Variants in RBPMS observed in about 807,000 individuals in gnomAD.
RBPMS encodes the protein RNA-binding protein with multiple splicing.
RBPMS carries 7 observed loss-of-function variants against 26.8 expected under a neutral mutation model. That is an observed-to-expected ratio of 0.26 (90% CI 0.15 to 0.49). RBPMS has a LOEUF of 0.49. Among genes scored for constraint, RBPMS ranks in the 20% least tolerant of loss-of-function variants. The pLI is 0.98. For missense variants in RBPMS, 186 were observed against 250.0 expected (o/e 0.74, Z 1.73); for synonymous variants, 96 against 93.3 (o/e 1.03, Z -0.17).
At chr8:30,480,774 G>A (rs1482229649) in intron 4 of RBPMS, among the ~76,000 whole-genome samples, 1 of 152,224 alleles carries the variant, frequency 6.6e-6, no homozygotes, top group African/African-American at 2.4e-5. Context: ...AATTTTCTCA[G>A]TATAATGACA....
intron 5 of RBPMS, among the ~76,000 whole-genome samples, chr8:30,508,283 GAAAT>G (rs1219924515): frequency 6.6e-6 from 1 of 152,272 alleles, no homozygotes; most frequent in East Asian, 1.9e-4. Context: ...GAACTGTGAG[GAAAT>G]AAATTATTTG....
At chr8:30,556,051 C>T in intron 6 of RBPMS, 2 of 985,434 alleles carry the variant, frequency 2.0e-6, no homozygotes, top group South Asian at 4.7e-5. Flanking sequence ...GCAGCGGAGC[C>T]TCTCAGGCTG....
chr8:30,519,553 G>A (rs1224582144), intron 5 of RBPMS, among the ~76,000 whole-genome samples: 3 of 135,812 alleles, frequency 2.2e-5, no homozygotes, highest in South Asian at 2.3e-4. Context: ...GTGCGATCTC[G>A]GCTCACTGCA....
rs1206877825 is a variant in RBPMS at position 30,504,365 on chromosome 8, A to G, written c.326A>G (p.Lys109Arg). The G allele has an allele frequency of 6.2e-7, 1 of 1,614,202 alleles. No individual in the cohort carries two copies. Among genetic ancestry groups the G allele is most frequent in the Non-Finnish European group, 8.5e-7 (1 of 1,179,986 alleles). ...AKANTKMAKN[K>R]LVGTPNPSTP... ...GCAAACACGAAGATGGCCAAGAACAAACTCGTAGGGACTCCAAACCCCAGT... is the reference window on the plus strand; with the variant it reads ...GCAAACACGAAGATGGCCAAGAACAGACTCGTAGGGACTCCAAACCCCAGT... Residue 109 changes from lysine to arginine, a missense_variant, in exon 5 of 9, where the codon AAA becomes AGA. Lys to Arg is a conservative substitution (Grantham distance 26). Around this residue, in one of 3 missense-constraint regions of RBPMS, gnomAD observed 98 missense variants for 113.6 expected, o/e 0.86. Coordinates refer to ENST00000397323, the MANE Select transcript of RBPMS (RefSeq NM_001008710.3).
At chr8:30,529,513 AAAGAC>A (rs1488595259) in intron 5 of RBPMS, among the ~76,000 whole-genome samples, 3 of 151,512 alleles carry the variant, frequency 2.0e-5, no homozygotes, top group Non-Finnish European at 2.9e-5. Flanking sequence ...AAAAAAAAGA[AAAGAC>A]AAAACAAAAC....
chr8:30,414,781 CTA>C (rs1281081966), intron 1 of RBPMS, among the ~76,000 whole-genome samples: 4 of 152,128 alleles, frequency 2.6e-5, no homozygotes, highest in African/African-American at 9.7e-5. Context: ...ACAAAATTCA[CTA>C]TTTTTCCCAG....
chr8:30,535,645 C>T (rs957693561), intron 5 of RBPMS, among the ~76,000 whole-genome samples: 4 of 152,162 alleles, frequency 2.6e-5, no homozygotes, highest in Admixed American at 6.5e-5. Flanking sequence ...CTAGGCTGGC[C>T]TTGAACTCCT....
chr8:30,449,513 G>C (rs1814293759), intron 1 of RBPMS, among the ~76,000 whole-genome samples: 1 of 152,014 alleles, frequency 6.6e-6, no homozygotes, highest in Admixed American at 6.6e-5. Context: ...TGGGATTATA[G>C]GCACCCGCCA....
At chr8:30,410,295 C>A (rs911126272) in intron 1 of RBPMS, among the ~76,000 whole-genome samples, 2 of 152,050 alleles carry the variant, frequency 1.3e-5, no homozygotes, top group Admixed American at 1.3e-4. Flanking sequence ...CAACCTCAGC[C>A]TCTCCTGGGT....
chr8:30,563,040 G>A (rs1230105740), intron 7 of RBPMS, among the ~76,000 whole-genome samples: 1 of 152,228 alleles, frequency 6.6e-6, no homozygotes, highest in Non-Finnish European at 1.5e-5. Context: ...TAATGGCAGA[G>A]AACTGTGGAC....
intron 5 of RBPMS, among the ~76,000 whole-genome samples, chr8:30,528,726 A>T (rs1162048537): frequency 1.3e-5 from 2 of 152,144 alleles, no homozygotes; most frequent in Non-Finnish European, 2.9e-5. Context: ...AGTTTTTTAA[A>T]TGTGCCCATG....
chr8:30,454,087 AT>A (rs1167312396), intron 1 of RBPMS, among the ~76,000 whole-genome samples: 9 of 152,136 alleles, frequency 5.9e-5, no homozygotes, highest in African/African-American at 9.7e-5. Flanking sequence ...TTCTGATTAT[AT>A]TTTTTTGAAC....
At chr8:30,434,588 C>T (rs1483579461) in intron 1 of RBPMS, among the ~76,000 whole-genome samples, 1 of 151,636 alleles carries the variant, frequency 6.6e-6, no homozygotes, top group Non-Finnish European at 1.5e-5. Context: ...CCTGTAAACC[C>T]AGCTACCCAG....
At chr8:30,443,848 G>A (rs1453365816) in intron 1 of RBPMS, among the ~76,000 whole-genome samples, 1 of 152,044 alleles carries the variant, frequency 6.6e-6, no homozygotes, top group African/African-American at 2.4e-5. Flanking sequence ...GCCCGCCTCG[G>A]CCTCCCAAAA....
chr8:30,385,227 GC>G, intron 1 of RBPMS, 69 bp downstream of exon 1: 1 of 1,159,864 alleles, frequency 8.6e-7, no homozygotes, highest in Non-Finnish European at 1.1e-6. Flanking sequence ...CGGGGCGCGG[GC>G]CCGGGGCGCG....
intron 1 of RBPMS, among the ~76,000 whole-genome samples, chr8:30,391,659 C>T (rs1443978291): frequency 6.6e-6 from 1 of 152,176 alleles, no homozygotes; most frequent in East Asian, 1.9e-4. Context: ...CTCACACTCA[C>T]ATCCCTAAAG....
intron 4 of RBPMS, among the ~76,000 whole-genome samples, chr8:30,494,432 G>A (rs1255684148): frequency 6.6e-6 from 1 of 151,810 alleles, no homozygotes; most frequent in African/African-American, 2.4e-5. Flanking sequence ...GCATTAATCC[G>A]GCCATTTACA....
intron 5 of RBPMS, among the ~76,000 whole-genome samples, chr8:30,543,592 T>C (rs1324774910): frequency 2.0e-5 from 3 of 152,214 alleles, no homozygotes; most frequent in Non-Finnish European, 4.4e-5. Context: ...AGATTGCTGC[T>C]TCACAGGGCC....
At chr8:30,421,969 A>G (rs1343931690) in intron 1 of RBPMS, among the ~76,000 whole-genome samples, 2 of 150,722 alleles carry the variant, frequency 1.3e-5, no homozygotes, top group African/African-American at 4.9e-5. Context: ...AAGAAAAAAG[A>G]AAAAAAAAGC....
Sources: gnomAD v4.1 joint callset for allele counts (sites outside exome capture counted in the v4.1 genomes callset) on GRCh38, gnomAD v4.1.1 for gene constraint, gnomAD v4.1.1 regional missense constraint, MANE v1.5 for transcripts, NCBI Gene and HGNC (gene_info 2026-07-23, HGNC 2026-07-21) for gene names.